Variants in PFAS observed in about 807,000 individuals in gnomAD.
The protein encoded by PFAS is phosphoribosylformylglycinamidine synthase.
Under a neutral mutation model 140.6 loss-of-function variants are expected in PFAS, and 97 were observed. The ratio of observed to expected loss-of-function variants is 0.69; its 90% CI spans 0.59 to 0.82. The LOEUF (loss-of-function observed/expected upper bound fraction) is 0.82. PFAS is among the 40% of genes least tolerant of loss of function. The pLI is 0.00. For missense variants in PFAS, 1,656 were observed against 1,780.2 expected (o/e 0.93, Z 1.26); for synonymous variants, 679 against 718.8 (o/e 0.94, Z 0.88).
In PFAS at chr17:8,267,108, C is replaced by A; in HGVS notation, c.3048C>A (p.Phe1016Leu). 2 of 1,613,708 alleles carry A rather than the reference C, an allele frequency of 1.2e-6. No homozygotes were observed. Among genetic ancestry groups the A allele is most frequent in the Non-Finnish European group, 1.7e-6 (2 of 1,179,888 alleles). ...ELRALWEETS[F>L]QLDRLQAEPR... ...GAGCCCTCTGGGAGGAGACGAGTTT[C>A]CAGCTGGACCGGCTACAGGCAGAGC... The change falls in exon 24 of 28, where the codon TTC (phenylalanine) becomes TTA (leucine). Residue 1016 changes from phenylalanine to leucine, a missense_variant. Physicochemically the swap from Phe to Leu is conservative, Grantham distance 22. Around this residue, in one of 2 missense-constraint regions of PFAS, gnomAD observed 883 missense variants for 1,023.0 expected, o/e 0.86. Coordinates refer to ENST00000314666, the MANE Select transcript of PFAS (RefSeq NM_012393.3). The surrounding 1 kb of genome is among the most constrained non-coding windows in gnomAD (Gnocchi z 4.9).
chr17:8,262,374 CG>C (rs1184738453), intron 11 of PFAS: 1 of 154,334 alleles, frequency 6.5e-6, no homozygotes, highest in East Asian at 1.9e-4. Flanking sequence ...AATAAATCAG[CG>C]GGATGACTTC....
At position 8,263,101 on chromosome 17, in the gene PFAS, G is replaced by A. The variant is rs748795798; in HGVS notation, c.1411-8G>A. 6.2e-7 allele frequency: 1 copy of A among 1,613,760 alleles called. No homozygotes were observed. Among genetic ancestry groups the A allele is most frequent in the African/African-American group, 1.3e-5 (1 of 75,026 alleles). ...CGCTGAGCTGAGCTATGCCATATAT[G>A]CCCCCAGGTGCAGGGAGATAACACC... On this transcript the variant is annotated splice_polypyrimidine_tract_variant and splice_region_variant and intron_variant, in intron 12 of 27. Transcript: ENST00000314666.
At position 8,255,074 on chromosome 17, in the gene PFAS, G is replaced by T. The variant is rs1192661049; in HGVS notation, c.326G>T (p.Arg109Leu). Residue 109 changes from arginine (R) to leucine (L), a missense_variant, in exon 4 of 28, where the codon CGC becomes CTC. Around this residue, in one of 2 missense-constraint regions of PFAS, gnomAD observed 773 missense variants for 757.3 expected, o/e 1.02. Transcript: ENST00000314666. The part of the protein sequence containing the change: ...PTSTNIVSVC[R>L]ATGLGPVDRV... The stretch of plus-strand genomic sequence containing the variant: ...TCCACCAACATCGTGTCAGTGTGCC[G>T]CGCCACTGGGCTGGGGCCTGTGGAT... 1.2e-6 allele frequency: 2 copies of T among 1,613,886 alleles called. No homozygotes were observed. The highest frequency in any genetic ancestry group is 1.7e-6 in the Non-Finnish European group (2 of 1,179,978).
upstream of PFAS, among the ~76,000 whole-genome samples, chr17:8,248,670 A>T (rs920023181): frequency 2.7e-5 from 4 of 150,696 alleles, no homozygotes; most frequent in Non-Finnish European, 4.4e-5. Context: ...CGATCCTCCC[A>T]CCTCAGCCCA....
At chr17:8,265,736 G>A (rs1467362451) in intron 20 of PFAS, 97 bp downstream of exon 20, 2 of 1,366,656 alleles carry the variant, frequency 1.5e-6, no homozygotes, top group African/African-American at 1.4e-5. Context: ...ACACTGGGCT[G>A]TGGTGTTTTC....
Position 8,257,937 on chromosome 17 carries a change from T to A in PFAS, c.1206T>A (p.Ala402=). ...YGNKFGEPVL[A]GFARSLGLQL... Reference sequence around the variant, plus strand: ...ACAAGTTTGGGGAACCAGTGCTGGCTGGTGAGGCTGGGGTGTGGAGGGATG... The same window carrying A: ...ACAAGTTTGGGGAACCAGTGCTGGCAGGTGAGGCTGGGGTGTGGAGGGATG... Residue 402 remains alanine (A), a splice_region_variant and synonymous_variant, in exon 10 of 28, where the codon GCT becomes GCA. Transcript: ENST00000314666. The A allele has an allele frequency of 6.2e-7, 1 of 1,614,078 alleles. No homozygotes were observed. Among genetic ancestry groups the A allele is most frequent in the Non-Finnish European group, 8.5e-7 (1 of 1,179,978 alleles).
At position 8,266,176 on chromosome 17, in the gene PFAS, G is replaced by T; in HGVS notation, c.2702-58G>T. 1 of 1,605,160 alleles carries T rather than the reference G, an allele frequency of 6.2e-7. No homozygotes were observed. The highest frequency in any genetic ancestry group is 1.1e-5 in the South Asian group (1 of 89,704). On this transcript the variant is annotated intron_variant, in intron 21 of 27. Coordinates refer to ENST00000314666, the MANE Select transcript of PFAS (RefSeq NM_012393.3). This position sits in a 1 kb window ranked among gnomAD's most constrained non-coding sequence, Gnocchi z 5.0. ...CTTGATGGACTGACTCCGGAAGGTG[G>T]GGTGGGGCTGTCAGGTTTGGGTCCC...
chr17:8,248,038 A>T (rs775123732), upstream of PFAS: 1 of 1,391,762 alleles, frequency 7.2e-7, no homozygotes, highest in Non-Finnish European at 9.6e-7. Flanking sequence ...AGCCGCCATG[A>T]TGCGCCGGAG....
chr17:8,260,694 G>A (rs890664759), intron 11 of PFAS, among the ~76,000 whole-genome samples: 5 of 152,076 alleles, frequency 3.3e-5, no homozygotes, highest in Admixed American at 2.6e-4. Context: ...GCGCTTTCTC[G>A]GCTCACTGCA....
upstream of PFAS, among the ~76,000 whole-genome samples, chr17:8,248,428 T>TTTTTTTTTTTTTTTTTTTTTTTTTTTTC (rs1988967926): frequency 8.0e-6 from 1 of 124,574 alleles, no homozygotes; most frequent in Non-Finnish European, 1.7e-5. Context: ...TTTTTTTTTT[T>TTTTTTTTTTTTTTTTTTTTTTTTTTTTC]TTTTTGTATT....
At position 8,268,696 on chromosome 17, in the gene PFAS, C is replaced by T; in HGVS notation, c.3546C>T (p.Gly1182=). 1 of 1,613,408 alleles carries T rather than the reference C, an allele frequency of 6.2e-7. No homozygotes were observed. Among genetic ancestry groups the T allele is most frequent in the Non-Finnish European group, 8.5e-7 (1 of 1,179,952 alleles). ...GDPNEDAAEM[G]PDSQPARPGL... ...CCAATGAGGATGCTGCAGAGATGGGCCCTGACTCCCAGCCAGCCCGGCCAG... is the reference window on the plus strand; with the variant it reads ...CCAATGAGGATGCTGCAGAGATGGGTCCTGACTCCCAGCCAGCCCGGCCAG... Residue 1182 remains glycine (G), a synonymous_variant, in exon 27 of 28, where the codon GGC becomes GGT. Coordinates refer to ENST00000314666, the MANE Select transcript of PFAS (RefSeq NM_012393.3).
In PFAS at chr17:8,267,108, C is replaced by T. The variant is rs1334151421; in HGVS notation, c.3048C>T (p.Phe1016=). The T allele has an allele frequency of 2.4e-5, 39 of 1,613,590 alleles. No homozygotes were observed. The highest frequency in any genetic ancestry group is 2.9e-5 in the Non-Finnish European group (34 of 1,179,896). The change falls in exon 24 of 28, where the codon TTC becomes TTT. Residue 1016 remains phenylalanine, a synonymous_variant. Coordinates refer to ENST00000314666, the MANE Select transcript of PFAS (RefSeq NM_012393.3). The surrounding 1 kb of genome is among the most constrained non-coding windows in gnomAD (Gnocchi z 4.9). Reference sequence around the variant, plus strand: ...GAGCCCTCTGGGAGGAGACGAGTTTCCAGCTGGACCGGCTACAGGCAGAGC... The same window carrying T: ...GAGCCCTCTGGGAGGAGACGAGTTTTCAGCTGGACCGGCTACAGGCAGAGC... ...ELRALWEETS[F]QLDRLQAEPR... is the part of the protein sequence containing the mutation.
Position 8,256,572 on chromosome 17 carries a change from A to G in PFAS, c.870A>G (p.Thr290=), listed in dbSNP as rs772341671. Residue 290 remains threonine, a synonymous_variant, in exon 8 of 28, where the codon ACA becomes ACG. Coordinates refer to ENST00000314666, the MANE Select transcript of PFAS (RefSeq NM_012393.3). ...EVRFLRPEDP[T]RPSRFQQQQG... ...GATTCCTACGGCCTGAGGACCCCAC[A>G]CGGCCAAGCCGCTTCCAGCAACAGC... 5.6e-5 allele frequency: 90 copies of G among 1,613,940 alleles called. 1 individual carries two copies. The highest frequency in any genetic ancestry group is 4.9e-4 in the Middle Eastern group (3 of 6,084).
At position 8,255,537 on chromosome 17, in the gene PFAS, T is replaced by C; in HGVS notation, c.420T>C (p.Ile140=). 6.5e-7 allele frequency: 1 copy of C among 1,527,242 alleles called. No individual in the cohort carries two copies. 94.6% of individuals were successfully genotyped at this position (1,527,242 alleles called of 1,614,324 possible). The change falls in exon 5 of 28, where the codon ATT becomes ATC. Residue 140 remains isoleucine, a synonymous_variant. Transcript: ENST00000314666. ...CCCCGTCAGCTGAGGTGGAAGCCAT[T>C]GCTCTGGCTACCCTGCACGACCGGA... ...AHPPSAEVEA[I]ALATLHDRMT... is the part of the protein sequence containing the mutation.
chr17:8,254,374 C>T (rs1016340178), intron 3 of PFAS, 73 bp downstream of exon 3: 2 of 1,567,162 alleles, frequency 1.3e-6, no homozygotes, highest in Non-Finnish European at 1.7e-6. Flanking sequence ...GGGAGATTTG[C>T]TTTTCCTTTG....
At position 8,256,259 on chromosome 17, in the gene PFAS, C is replaced by T. The variant is rs778901080; in HGVS notation, c.681-8C>T. The T allele has an allele frequency of 1.2e-5, 20 of 1,613,380 alleles. No individual in the cohort carries two copies. Among genetic ancestry groups the T allele is most frequent in the Non-Finnish European group, 1.4e-5 (16 of 1,179,816 alleles). ...CCTGCCTTCCCCTCCCTGCATCGCC[C>T]CCTGCAGCGAGCACAGCCGACACTG... is the stretch of plus-strand genomic sequence containing the variant. On this transcript the variant is annotated splice_polypyrimidine_tract_variant and splice_region_variant and intron_variant, in intron 6 of 27. Coordinates refer to ENST00000314666, the MANE Select transcript of PFAS (RefSeq NM_012393.3).
chr17:8,259,120 A>G (rs1022347406), intron 11 of PFAS, among the ~76,000 whole-genome samples: 2 of 135,556 alleles, frequency 1.5e-5, no homozygotes, highest in African/African-American at 5.0e-5. Flanking sequence ...CGATCGCACC[A>G]CTGTCAAAAA....
chr17:8,253,953 C>T lies in PFAS; in HGVS notation c.16C>T (p.His6Tyr). ...ACCTGCAGAGATGTCCCCAGTCCTT[C>T]ACTTCTATGTTCGTCCCTCTGGCCA... MSPVL[H>Y]FYVRPSGHEG... Residue 6 changes from histidine to tyrosine, a missense_variant, in exon 2 of 28, where the codon CAC becomes TAC. Transcript: ENST00000314666. The T allele has an allele frequency of 6.2e-7, 1 of 1,613,518 alleles. No homozygotes were observed. Among genetic ancestry groups the T allele is most frequent in the Non-Finnish European group, 8.5e-7 (1 of 1,179,600 alleles).
chr17:8,257,295 G>A (rs541034961), intron 9 of PFAS, among the ~76,000 whole-genome samples: 2 of 152,262 alleles, frequency 1.3e-5, no homozygotes, highest in Non-Finnish European at 2.9e-5. Context: ...GGTGGCTCAC[G>A]CCTGTAATCC....
Sources: allele counts gnomAD v4.1 joint callset (sites outside exome capture counted in the v4.1 genomes callset), GRCh38; gene constraint gnomAD v4.1.1; regional missense constraint gnomAD v4.1.1; non-coding constraint Gnocchi (gnomAD v3.1); transcripts MANE v1.5; gene names NCBI Gene and HGNC (gene_info 2026-07-23, HGNC 2026-07-21).